The following TTC39C variants were observed in gnomAD, a reference collection of about 807,000 sequenced individuals.
The protein encoded by TTC39C is tetratricopeptide repeat protein 39C.
Under a neutral mutation model 76.3 loss-of-function variants are expected in TTC39C, and 33 were observed. That is an observed-to-expected ratio of 0.43 (90% CI 0.33 to 0.58). TTC39C has a LOEUF of 0.58. Among genes scored for constraint, TTC39C ranks in the 20% least tolerant of loss-of-function variants. The pLI, the probability that TTC39C is intolerant of heterozygous loss-of-function variation, is 0.04. For missense variants in TTC39C, 595 were observed against 701.4 expected (o/e 0.85, Z 1.71); for synonymous variants, 254 against 260.6 (o/e 0.97, Z 0.24).
chr18:24,131,798 A>G lies in TTC39C; in HGVS notation c.1624-84A>G, dbSNP rs929408810. The G allele has an allele frequency of 6.1e-6, 7 of 1,148,956 alleles. No individual in the cohort carries two copies. In the Admixed American group the frequency reaches 1.2e-4, roughly 20 times the overall value. 71.2% of individuals were successfully genotyped at this position (1,148,956 alleles called of 1,614,324 possible). On this transcript the variant is annotated intron_variant, in intron 12 of 13. Coordinates refer to ENST00000317571, the MANE Select transcript of TTC39C (RefSeq NM_001135993.2). ...TGCTATGTCTACAGTGAATTGTTTT[A>G]ATTAACATAGCCTCCTATTATACCA...
chr18:24,124,095 G>A, intron 9 of TTC39C, 152 bp downstream of exon 9: 1 of 566,286 alleles, frequency 1.8e-6, no homozygotes, highest in Non-Finnish European at 3.1e-6. Flanking sequence ...TTCTCTCCAT[G>A]ATTGTACATC....
chr18:24,024,016 A>ATT (rs1181326548), intron 1 of TTC39C, among the ~76,000 whole-genome samples: 1 of 5,482 alleles, frequency 1.8e-4, no homozygotes, highest in African/African-American at 6.5e-4. Context: ...ATATATATAT[A>ATT]TTTTTTTTTT....
At chr18:24,115,129 T>G (rs2084874401) in intron 7 of TTC39C, 2 of 153,912 alleles carry the variant, frequency 1.3e-5, no homozygotes, top group Admixed American at 1.3e-4. Context: ...TTAGATGACA[T>G]GACGTGTGAA....
chr18:24,127,021 A>C (rs2085059369), intron 10 of TTC39C, among the ~76,000 whole-genome samples: 1 of 152,246 alleles, frequency 6.6e-6, no homozygotes, highest in Non-Finnish European at 1.5e-5. Context: ...AAGAACAATT[A>C]CCAGTTAAGT....
At chr18:24,118,501 C>T (rs2084923736) in intron 8 of TTC39C, among the ~76,000 whole-genome samples, 3 of 152,110 alleles carry the variant, frequency 2.0e-5, no homozygotes, top group Non-Finnish European at 2.9e-5. Context: ...TGTTTTGTGT[C>T]TTGGAAATGC....
chr18:24,009,731 T>A (rs2083381062), intron 1 of TTC39C, among the ~76,000 whole-genome samples: 1 of 152,230 alleles, frequency 6.6e-6, no homozygotes, highest in African/African-American at 2.4e-5. Flanking sequence ...GACAATGCCT[T>A]CTTCCCCAGT....
chr18:24,049,032 A>C (rs1055956401), intron 1 of TTC39C, among the ~76,000 whole-genome samples: 2 of 152,224 alleles, frequency 1.3e-5, no homozygotes, highest in South Asian at 2.1e-4. Context: ...TAGGACTCCT[A>C]GCTCTTATAA....
intron 2 of TTC39C, among the ~76,000 whole-genome samples, chr18:24,064,903 A>G (rs1019672407): frequency 2.0e-5 from 3 of 152,214 alleles, no homozygotes; most frequent in African/African-American, 7.2e-5. Flanking sequence ...AGAAGTTTTT[A>G]TTCAAGGTAT....
intron 8 of TTC39C, among the ~76,000 whole-genome samples, chr18:24,118,512 A>G (rs934971047): frequency 2.0e-5 from 3 of 152,090 alleles, no homozygotes; most frequent in Non-Finnish European, 1.5e-5. Context: ...TTGGAAATGC[A>G]TATTATGAGG....
chr18:24,108,933 C>A (rs2084778186), intron 6 of TTC39C, among the ~76,000 whole-genome samples: 1 of 152,070 alleles, frequency 6.6e-6, no homozygotes, highest in South Asian at 2.1e-4. Context: ...AGTATATGTT[C>A]AGAATGTTGG....
Position 24,015,055 on chromosome 18 carries a change from C to T in TTC39C, c.167+17C>T, listed in dbSNP as rs1373702474. 7.0e-7 allele frequency: 1 copy of T among 1,419,760 alleles called. No homozygotes were observed. The highest frequency in any genetic ancestry group is 1.5e-5 in the African/African-American group (1 of 66,860). The allele number at this position is 1,419,760 out of a possible 1,614,324, so 87.9% of individuals were successfully genotyped here. On this transcript the variant is annotated intron_variant, in intron 1 of 13. Transcript: ENST00000317571. ...ACAATACAGGTGACCCACGCGTCCC[C>T]GATTCCCCAACCCTGCAGCGCGCAC...
At chr18:24,005,701 A>G (rs2083346328) in intron 1 of TTC39C, among the ~76,000 whole-genome samples, 1 of 151,868 alleles carries the variant, frequency 6.6e-6, no homozygotes, top group African/African-American at 2.4e-5. Context: ...AAAAATTAAA[A>G]ATAAAAATTA....
intron 10 of TTC39C, among the ~76,000 whole-genome samples, chr18:24,128,671 T>C (rs1445555538): frequency 6.6e-6 from 1 of 152,210 alleles, no homozygotes; most frequent in Non-Finnish European, 1.5e-5. Context: ...ACTAGTACAG[T>C]ACCTCATACA....
intron 8 of TTC39C, 184 bp from the exon 9 acceptor site, chr18:24,123,650 A>C (rs1599349093): frequency 4.3e-6 from 2 of 459,778 alleles, no homozygotes; most frequent in South Asian, 3.6e-5. Context: ...CAGGTGATCC[A>C]CTCGCCTCTG....
chr18:24,079,910 T>A (rs942471411), intron 4 of TTC39C, among the ~76,000 whole-genome samples: 2 of 151,454 alleles, frequency 1.3e-5, no homozygotes, highest in Admixed American at 1.3e-4. Flanking sequence ...CAGGGAATCC[T>A]CCCACCTCAG....
At chr18:24,019,400 A>G (rs1006728499) in intron 1 of TTC39C, among the ~76,000 whole-genome samples, 8 of 152,224 alleles carry the variant, frequency 5.3e-5, no homozygotes, top group East Asian at 1.9e-4. Context: ...ATGAATGTTT[A>G]TTGGTACATA....
Position 24,051,621 on chromosome 18 carries a change from A to G in TTC39C, c.168-12519A>G, listed in dbSNP as rs532270698. Among the ~76,000 whole-genome samples, 8 of 152,368 alleles carry G rather than the reference A, an allele frequency of 5.3e-5. No homozygotes were observed. In the South Asian group the frequency reaches 1.2e-3, roughly 24 times the overall value. ...TGGGGTGGTCAGTGGTTTTAGAGGC[A>G]TGCCGTCCTTTAGATTAAAAGGTCC... On this transcript the variant is annotated intron_variant, in intron 1 of 13. Coordinates refer to ENST00000317571, the MANE Select transcript of TTC39C (RefSeq NM_001135993.2).
intron 7 of TTC39C, among the ~76,000 whole-genome samples, chr18:24,117,194 A>G (rs538762433): frequency 4.7e-4 from 71 of 152,152 alleles, no homozygotes; most frequent in Admixed American, 9.8e-4. Flanking sequence ...TTACCACAGC[A>G]TTGGCACACA....
At chr18:24,013,644 C>G (rs188310769), upstream of TTC39C, among the ~76,000 whole-genome samples, 1 of 152,170 alleles carries the variant, frequency 6.6e-6, no homozygotes, top group African/African-American at 2.4e-5. Flanking sequence ...AAAACGACAG[C>G]GACTCAAGGA....
Sources: gnomAD v4.1 joint callset for allele counts (sites outside exome capture counted in the v4.1 genomes callset) on GRCh38, gnomAD v4.1.1 for gene constraint, MANE v1.5 for transcripts, NCBI Gene and HGNC (gene_info 2026-07-23, HGNC 2026-07-21) for gene names.